Variants in ARHGAP24 observed in about 807,000 individuals in gnomAD.
ARHGAP24 encodes the protein rho GTPase-activating protein 24.
Under a neutral mutation model 76.4 loss-of-function variants are expected in ARHGAP24, and 50 were observed. That is an observed-to-expected ratio of 0.65 (90% CI 0.52 to 0.83). The LOEUF (loss-of-function observed/expected upper bound fraction) is 0.83, where lower values mean the gene tolerates loss of function less well. Among genes scored for constraint, ARHGAP24 ranks in the 40% least tolerant of loss-of-function variants. The probability of loss-of-function intolerance (pLI) is 0.00; values close to 1 mark genes in which losing one functional copy is unlikely to be tolerated. For synonymous variants in ARHGAP24, 345 were observed against 323.3 expected (o/e 1.07, Z -0.72); for missense variants, 930 against 914.2 (o/e 1.02, Z -0.22).
At chr4:85,851,864 C>G (rs1731254245) in intron 3 of ARHGAP24, among the ~76,000 whole-genome samples, 1 of 152,196 alleles carries the variant, frequency 6.6e-6, no homozygotes, top group South Asian at 2.1e-4. Flanking sequence ...CAGCCTTTCT[C>G]TCTGGCTGAC....
At chr4:85,949,671 G>A (rs1337398817) in intron 5 of ARHGAP24, among the ~76,000 whole-genome samples, 2 of 152,164 alleles carry the variant, frequency 1.3e-5, no homozygotes, top group African/African-American at 2.4e-5. Context: ...GAACTGGTGC[G>A]ATGTCACATC....
chr4:85,695,071 T>C (rs1012512039), intron 2 of ARHGAP24, among the ~76,000 whole-genome samples: 4 of 152,252 alleles, frequency 2.6e-5, no homozygotes. Context: ...ATTTTTTGTT[T>C]GGGATTTTAG....
At chr4:85,744,037 A>G (rs1397720096) in intron 3 of ARHGAP24, among the ~76,000 whole-genome samples, 1 of 152,198 alleles carries the variant, frequency 6.6e-6, no homozygotes, top group Non-Finnish European at 1.5e-5. Flanking sequence ...CATCCTCCAT[A>G]TTAAAAACAA....
At chr4:85,797,786 T>A (rs1728425193) in intron 3 of ARHGAP24, among the ~76,000 whole-genome samples, 1 of 152,382 alleles carries the variant, frequency 6.6e-6, no homozygotes, top group South Asian at 2.1e-4. Flanking sequence ...AGATGTGTTA[T>A]TATTTTTGAC....
At chr4:85,746,904 C>G (rs1186428065) in intron 3 of ARHGAP24, among the ~76,000 whole-genome samples, 1 of 152,134 alleles carries the variant, frequency 6.6e-6, no homozygotes, top group Non-Finnish European at 1.5e-5. Flanking sequence ...CTGCCCGCCT[C>G]AGCCTCCCAA....
chr4:85,852,464 T>G (rs1202774253), intron 3 of ARHGAP24, among the ~76,000 whole-genome samples: 1 of 152,232 alleles, frequency 6.6e-6, no homozygotes, highest in Non-Finnish European at 1.5e-5. Flanking sequence ...CTCGTCAAAG[T>G]CATTCTCCAT....
intron 2 of ARHGAP24, among the ~76,000 whole-genome samples, chr4:85,670,163 A>G (rs1722775223): frequency 1.3e-5 from 2 of 152,190 alleles, no homozygotes; most frequent in Admixed American, 1.3e-4. Context: ...GGCTGCATAA[A>G]TAAGCTGAAC....
chr4:85,743,267 G>A (rs992387268), intron 3 of ARHGAP24, among the ~76,000 whole-genome samples: 2 of 151,470 alleles, frequency 1.3e-5, no homozygotes, highest in Non-Finnish European at 2.9e-5. Flanking sequence ...GGACCTCGGA[G>A]GTGAAACTGA....
chr4:85,895,001 C>CA (rs1222078793), intron 3 of ARHGAP24, among the ~76,000 whole-genome samples: 54 of 54,306 alleles, frequency 9.9e-4, no homozygotes, highest in East Asian at 5.5e-3. Context: ...AAACAAAAAG[C>CA]AAAAAAAAAA....
intron 4 of ARHGAP24, among the ~76,000 whole-genome samples, chr4:85,930,069 C>T (rs866449441): frequency 3.9e-5 from 6 of 152,214 alleles, no homozygotes; most frequent in African/African-American, 1.2e-4. Context: ...TGAATGTGAC[C>T]GGCGGGCACT....
chr4:85,624,424 C>G (rs918512243), intron 2 of ARHGAP24, among the ~76,000 whole-genome samples: 3 of 152,146 alleles, frequency 2.0e-5, no homozygotes, highest in Admixed American at 2.0e-4. Context: ...CCTTGCATCC[C>G]AGGGATGAAG....
intron 1 of ARHGAP24, 93 bp from the exon 2 acceptor site, chr4:85,570,428 TC>T: frequency 1.6e-6 from 1 of 626,658 alleles, no homozygotes; most frequent in Non-Finnish European, 2.6e-6. Flanking sequence ...CCTCTCTCTC[TC>T]TCTTTTTTTT....
At chr4:85,795,079 C>G (rs6847264) in intron 3 of ARHGAP24, among the ~76,000 whole-genome samples, 39,522 of 152,156 alleles carry the variant, frequency 0.26, 5,431 homozygotes, top group African/African-American at 0.3. Context: ...GGAAGTCCCT[C>G]CAGGAAAACA....
At chr4:85,953,864 A>G (rs547627654) in intron 5 of ARHGAP24, among the ~76,000 whole-genome samples, 69 of 152,152 alleles carry the variant, frequency 4.5e-4, no homozygotes, top group Non-Finnish European at 6.9e-4. Context: ...CCAAGGGAAG[A>G]CAGGAGAAGG....
intron 1 of ARHGAP24, among the ~76,000 whole-genome samples, chr4:85,534,509 C>T (rs975379467): frequency 8.5e-5 from 13 of 152,070 alleles, no homozygotes; most frequent in African/African-American, 2.9e-4. Flanking sequence ...TTTGCCTGGC[C>T]ACAGTGAGGC....
At chr4:85,975,875 C>T (rs189014962) in intron 7 of ARHGAP24, 1 of 152,262 alleles carries the variant, frequency 6.6e-6, no homozygotes, top group Admixed American at 6.5e-5. Flanking sequence ...TGTTAATTGT[C>T]AGTGTAACTG....
chr4:85,807,101 T>G (rs1470168517), intron 3 of ARHGAP24, among the ~76,000 whole-genome samples: 1 of 152,214 alleles, frequency 6.6e-6, no homozygotes, highest in Non-Finnish European at 1.5e-5. Flanking sequence ...TTTTCTTTTT[T>G]AATTAATTTT....
At chr4:85,916,543 T>C (rs1735411256) in intron 3 of ARHGAP24, among the ~76,000 whole-genome samples, 1 of 152,194 alleles carries the variant, frequency 6.6e-6, no homozygotes, top group African/African-American at 2.4e-5. Flanking sequence ...TATAGTTGTA[T>C]GAGTGAAAAT....
chr4:85,833,596 C>T (rs1191449100), intron 3 of ARHGAP24, among the ~76,000 whole-genome samples: 2 of 152,182 alleles, frequency 1.3e-5, no homozygotes, highest in East Asian at 1.9e-4. Context: ...ATCTACAGAA[C>T]TTCAAAAGCC....
Sources: gnomAD v4.1 joint callset for allele counts (sites outside exome capture counted in the v4.1 genomes callset) on GRCh38, gnomAD v4.1.1 for gene constraint, MANE v1.5 for transcripts, NCBI Gene and HGNC (gene_info 2026-07-23, HGNC 2026-07-21) for gene names.